The following PTN variants were observed in gnomAD, a reference collection of about 807,000 sequenced individuals.
PTN encodes heparin affin regulatory protein.
A neutral mutation model predicts 24.1 loss-of-function variants in PTN; 18 were observed. That is an observed-to-expected ratio of 0.75 (90% CI 0.52 to 1.11). The LOEUF is 1.11. Ranked by LOEUF, PTN falls within the 50% of genes least tolerant of loss-of-function variation. PTN has a pLI of 0.00. For synonymous variants in PTN, 78 were observed against 68.6 expected (o/e 1.14, Z -0.67); for missense variants, 163 against 198.8 (o/e 0.82, Z 1.08).
At chr7:137,236,337 G>T (rs930002564) in intron 4 of PTN, 2 of 693,334 alleles carry the variant, frequency 2.9e-6, no homozygotes, top group African/African-American at 3.5e-5. Flanking sequence ...AGGGGTGGGG[G>T]AATCAGCCAC....
chr7:137,287,494 T>C (rs1007291123), intron 1 of PTN, among the ~76,000 whole-genome samples: 4 of 152,012 alleles, frequency 2.6e-5, no homozygotes, highest in Non-Finnish European at 5.9e-5. Context: ...TGACCTTAAA[T>C]TGGTCCTTAA....
intron 1 of PTN, among the ~76,000 whole-genome samples, chr7:137,317,691 A>G (rs1487628012): frequency 6.6e-6 from 1 of 152,198 alleles, no homozygotes; most frequent in Non-Finnish European, 1.5e-5. Context: ...CTGTACTTAA[A>G]TGATAATTAT....
chr7:137,232,402 T>G (rs1808442681), intron 4 of PTN, among the ~76,000 whole-genome samples: 1 of 151,924 alleles, frequency 6.6e-6, no homozygotes, highest in South Asian at 2.1e-4. Flanking sequence ...CTCATAATAA[T>G]TGGGATACAG....
At chr7:137,295,315 G>A (rs1809702490) in intron 1 of PTN, among the ~76,000 whole-genome samples, 1 of 152,114 alleles carries the variant, frequency 6.6e-6, no homozygotes, top group African/African-American at 2.4e-5. Flanking sequence ...ACTTTCATAT[G>A]AATATTTTGA....
At chr7:137,236,429 G>T (rs572735644) in intron 4 of PTN, among the ~76,000 whole-genome samples, 1 of 152,166 alleles carries the variant, frequency 6.6e-6, no homozygotes, top group East Asian at 1.9e-4. Flanking sequence ...TAAACTCCTA[G>T]TTTTAGCTCA....
intron 1 of PTN, among the ~76,000 whole-genome samples, chr7:137,290,247 G>A (rs954872469): frequency 1.7e-4 from 26 of 152,180 alleles, no homozygotes; most frequent in African/African-American, 4.8e-4. Flanking sequence ...GGTCCCTCCC[G>A]CAACATGTGG....
chr7:137,297,026 T>G (rs1809729724), intron 1 of PTN, among the ~76,000 whole-genome samples: 1 of 152,086 alleles, frequency 6.6e-6, no homozygotes, highest in Non-Finnish European at 1.5e-5. Flanking sequence ...GCAAATACAT[T>G]TTCCAATGTG....
rs536654190 is a variant in PTN at position 137,299,023 on chromosome 7, G to A, written c.-1-44049C>T. ...AGTACCGATAGCAAAGAAAATATTC[G>A]TTACCCCTGGGGTTTAATGAAAAAT... On this transcript the variant is annotated intron_variant, in intron 1 of 4. Coordinates refer to ENST00000348225, the MANE Select transcript of PTN (RefSeq NM_002825.7). 3.9e-4 allele frequency among the ~76,000 whole-genome samples: 60 copies of A among 151,932 alleles called. 1 individual carries two copies. In the South Asian group the frequency reaches 0.01, roughly 26 times the overall value.
chr7:137,300,672 C>T (rs557106190), intron 1 of PTN, among the ~76,000 whole-genome samples: 2 of 151,930 alleles, frequency 1.3e-5, no homozygotes, highest in South Asian at 2.1e-4. Context: ...CTCAGCACAG[C>T]GGATCTCCCA....
intron 1 of PTN, among the ~76,000 whole-genome samples, chr7:137,269,515 C>T (rs1475199134): frequency 2.0e-5 from 3 of 151,732 alleles, no homozygotes; most frequent in Non-Finnish European, 2.9e-5. Flanking sequence ...TAGTGGTTTG[C>T]TCCCGTTCAC....
chr7:137,247,359 T>C (rs557789945), intron 4 of PTN, among the ~76,000 whole-genome samples: 1 of 152,292 alleles, frequency 6.6e-6, no homozygotes, highest in Non-Finnish European at 1.5e-5. Context: ...GATTCAGTCA[T>C]TTGCAACAAC....
At chr7:137,281,667 C>T (rs1459232854) in intron 1 of PTN, among the ~76,000 whole-genome samples, 1 of 152,170 alleles carries the variant, frequency 6.6e-6, no homozygotes, top group Non-Finnish European at 1.5e-5. Context: ...TAAAAAATTT[C>T]AACATTTGGT....
chr7:137,273,410 A>G (rs1809308470), intron 1 of PTN, among the ~76,000 whole-genome samples: 1 of 152,202 alleles, frequency 6.6e-6, no homozygotes, highest in African/African-American at 2.4e-5. Context: ...TATAAAGGAA[A>G]AAGGTTTAAC....
intron 4 of PTN, among the ~76,000 whole-genome samples, chr7:137,231,086 G>C (rs1017939086): frequency 5.3e-5 from 8 of 151,738 alleles, no homozygotes; most frequent in African/African-American, 1.7e-4. Context: ...GCTCTTGTTA[G>C]AGCACCTATC....
At chr7:137,236,847 C>A (rs936258508) in intron 4 of PTN, among the ~76,000 whole-genome samples, 1 of 151,950 alleles carries the variant, frequency 6.6e-6, no homozygotes, top group African/African-American at 2.4e-5. Context: ...TCATTATTTT[C>A]TATGATCATA....
chr7:137,327,593 C>T (rs1055928368), intron 1 of PTN, among the ~76,000 whole-genome samples: 8 of 152,040 alleles, frequency 5.3e-5, no homozygotes, highest in African/African-American at 1.9e-4. Flanking sequence ...GCCAGGAGTT[C>T]AAGACCCGCC....
intron 1 of PTN, among the ~76,000 whole-genome samples, chr7:137,304,238 T>C (rs1809851278): frequency 6.6e-6 from 1 of 151,980 alleles, no homozygotes; most frequent in Non-Finnish European, 1.5e-5. Context: ...GACAGCCAAG[T>C]ACTTGCACAG....
chr7:137,323,471 T>C (rs1387058549), intron 1 of PTN, among the ~76,000 whole-genome samples: 7 of 152,202 alleles, frequency 4.6e-5, no homozygotes, highest in Admixed American at 3.9e-4. Context: ...TTCATTTGTT[T>C]GCCAAACTTT....
At chr7:137,279,928 A>G (rs568191251) in intron 1 of PTN, among the ~76,000 whole-genome samples, 1 of 152,354 alleles carries the variant, frequency 6.6e-6, no homozygotes, top group Non-Finnish European at 1.5e-5. Flanking sequence ...GTTGCTGAGA[A>G]GAAAATAAGT....
Sources: gnomAD v4.1 joint callset for allele counts (sites outside exome capture counted in the v4.1 genomes callset) on GRCh38, gnomAD v4.1.1 for gene constraint, MANE v1.5 for transcripts, NCBI Gene and HGNC (gene_info 2026-07-23, HGNC 2026-07-21) for gene names.